The following MGAT4C variants were observed in gnomAD, a reference collection of about 807,000 sequenced individuals.
MGAT4C encodes the protein alpha-1,3-mannosyl-glycoprotein 4-beta-N-acetylglucosaminyltransferase C.
In MGAT4C, 19 loss-of-function variants were observed where a neutral mutation model predicts 40.1. The observed-to-expected ratio is 0.47, with a 90% confidence interval of 0.33 to 0.70. The LOEUF (loss-of-function observed/expected upper bound fraction) is 0.70. Ranked by LOEUF, MGAT4C falls within the 30% of genes least tolerant of loss-of-function variation. MGAT4C has a pLI of 0.02. For missense variants in MGAT4C, 491 were observed against 563.2 expected, an observed-to-expected ratio of 0.87 and a Z score of 1.30; for synonymous variants, 181 against 187.1, an observed-to-expected ratio of 0.97 and a Z score of 0.27.
chr12:85,993,844 CA>C (rs1051102554), intron 2 of MGAT4C, among the ~76,000 whole-genome samples: 1 of 152,152 alleles, frequency 6.6e-6, no homozygotes, highest in Non-Finnish European at 1.5e-5. Context: ...TTGACTGCCA[CA>C]AATGTGGTAG....
intron 2 of MGAT4C, among the ~76,000 whole-genome samples, chr12:86,646,836 T>C (rs1254790929): frequency 1.3e-5 from 2 of 151,956 alleles, no homozygotes; most frequent in Non-Finnish European, 1.5e-5. Context: ...CATATAATAA[T>C]TGCATATATG....
intron 2 of MGAT4C, among the ~76,000 whole-genome samples, chr12:85,997,760 G>A (rs1350432971): frequency 6.6e-6 from 1 of 152,200 alleles, no homozygotes; most frequent in African/African-American, 2.4e-5. Flanking sequence ...CTGCCCCAAT[G>A]GCTTTGCAAG....
At chr12:86,267,568 C>A (rs1168301251) in intron 4 of MGAT4C, among the ~76,000 whole-genome samples, 1 of 151,798 alleles carries the variant, frequency 6.6e-6, no homozygotes, top group Non-Finnish European at 1.5e-5. Flanking sequence ...TAGTTCAGAG[C>A]TGTCTTTTTA....
chr12:86,335,468 A>T (rs1954765030), intron 3 of MGAT4C, among the ~76,000 whole-genome samples: 1 of 152,196 alleles, frequency 6.6e-6, no homozygotes, highest in Admixed American at 6.6e-5. Flanking sequence ...TAGCAAACAC[A>T]GATGGCCTGA....
intron 3 of MGAT4C, among the ~76,000 whole-genome samples, chr12:86,398,884 G>A (rs148387446): frequency 1.3e-5 from 2 of 152,244 alleles, no homozygotes; most frequent in East Asian, 3.9e-4. Context: ...GGGAGGTCAA[G>A]AAGAATCTGA....
intron 4 of MGAT4C, among the ~76,000 whole-genome samples, chr12:86,264,565 T>C (rs899584580): frequency 6.6e-6 from 1 of 152,108 alleles, no homozygotes; most frequent in Non-Finnish European, 1.5e-5. Context: ...GGCAGGAGCC[T>C]CCTGCTTCCC....
intron 1 of MGAT4C, among the ~76,000 whole-genome samples, chr12:86,138,481 A>ATATATATTTCCATATATATATCATG (rs1264171380): frequency 2.7e-5 from 4 of 147,722 alleles, no homozygotes; most frequent in African/African-American, 4.9e-5. Context: ...ATATATCCAT[A>ATATATATTTCCATATATATATCATG]TATATATTTC....
rs1379604573 is a variant in MGAT4C at position 86,566,686 on chromosome 12, ATATAT to A, written c.-228-131426_-228-131422del. Reference sequence around the variant, plus strand: ...ATATGTATGTATAATACATATATGTATATATTATATGTATTATATATGTATTATAT... The same window carrying A: ...ATATGTATGTATAATACATATATGTATATATGTATTATATATGTATTATAT... On this transcript the variant is annotated intron_variant, in intron 2 of 7. Coordinates refer to the MGAT4C transcript ENST00000548651. Among the ~76,000 whole-genome samples, 12 of 145,616 alleles carry A rather than the reference ATATAT, an allele frequency of 8.2e-5. No homozygotes were observed. The South Asian group carries it at 8.5e-4, about 10-fold the overall frequency.
chr12:86,718,416 C>T (rs747260331), intron 2 of MGAT4C, among the ~76,000 whole-genome samples: 6 of 152,154 alleles, frequency 3.9e-5, no homozygotes, highest in African/African-American at 7.2e-5. Flanking sequence ...TTTCATGCAG[C>T]AGCAGTCACA....
chr12:86,561,487 C>T (rs138969199), intron 2 of MGAT4C, among the ~76,000 whole-genome samples: 1,574 of 152,284 alleles, frequency 0.01, 9 homozygotes, highest in Non-Finnish European at 0.014. Context: ...TTCATCTTTC[C>T]CCCATGCTGG....
chr12:86,648,011 G>A (rs1028347968), intron 2 of MGAT4C, among the ~76,000 whole-genome samples: 1 of 151,848 alleles, frequency 6.6e-6, no homozygotes, highest in East Asian at 1.9e-4. Flanking sequence ...TTACTATTGT[G>A]ACTTCAGGGT....
chr12:86,795,136 CTG>C lies in MGAT4C; in HGVS notation c.-262+43528_-262+43529del, dbSNP rs1386137283. Among the ~76,000 whole-genome samples the C allele has an allele frequency of 2.6e-5, 4 of 151,758 alleles. No individual in the cohort carries two copies. In the East Asian group the frequency reaches 7.7e-4, roughly 29 times the overall value. On this transcript the variant is annotated intron_variant, in intron 1 of 7. Coordinates refer to the MGAT4C transcript ENST00000548651. ...TACATAAACCATTTAATTTTTAAGT[CTG>C]TGTTTTCCTTTATTACTAAAGACAA...
At chr12:86,050,277 TTGCTATTGAATGTC>T (rs1892772409) in intron 1 of MGAT4C, among the ~76,000 whole-genome samples, 1 of 151,980 alleles carries the variant, frequency 6.6e-6, no homozygotes, top group Non-Finnish European at 1.5e-5. Flanking sequence ...GGAACACAGT[TTGCTATTGAATGTC>T]TGCCAGACTG....
chr12:86,774,351 CTCCCCT>C (rs1951710182), intron 1 of MGAT4C, among the ~76,000 whole-genome samples: 1 of 31,770 alleles, frequency 3.1e-5, no homozygotes, highest in Non-Finnish European at 8.8e-5. Flanking sequence ...GTCTCTCTCT[CTCCCCT>C]CTCTCTCTCT....
At chr12:86,202,806 G>T (rs1950098235) in intron 1 of MGAT4C, among the ~76,000 whole-genome samples, 1 of 151,570 alleles carries the variant, frequency 6.6e-6, no homozygotes, top group African/African-American at 2.4e-5. Flanking sequence ...TTCATTTATT[G>T]TACTTTTCTA....
At chr12:86,420,319 C>T (rs1341679948) in intron 3 of MGAT4C, among the ~76,000 whole-genome samples, 1 of 151,974 alleles carries the variant, frequency 6.6e-6, no homozygotes, top group Non-Finnish European at 1.5e-5. Flanking sequence ...AGGTTAAAAC[C>T]TGCAGTGAAC....
At chr12:86,751,011 G>A (rs999930486) in intron 1 of MGAT4C, among the ~76,000 whole-genome samples, 7 of 151,926 alleles carry the variant, frequency 4.6e-5, no homozygotes, top group African/African-American at 1.2e-4. Flanking sequence ...AGCTCATACC[G>A]TAAGAGCCTT....
chr12:86,316,079 C>CAAAAAAAA (rs71076185), intron 4 of MGAT4C, among the ~76,000 whole-genome samples: 4 of 34,062 alleles, frequency 1.2e-4, no homozygotes, highest in Non-Finnish European at 2.0e-4. Flanking sequence ...ATACAAGCAG[C>CAAAAAAAA]AAAAAAAAAA....
At chr12:86,749,635 T>C (rs1170589610) in intron 1 of MGAT4C, among the ~76,000 whole-genome samples, 2 of 151,840 alleles carry the variant, frequency 1.3e-5, no homozygotes, top group African/African-American at 4.8e-5. Context: ...CTGGCTTTTA[T>C]GTTAAACAAC....
Sources: allele counts gnomAD v4.1 joint callset (sites outside exome capture counted in the v4.1 genomes callset), GRCh38; gene constraint gnomAD v4.1.1; transcripts MANE v1.5; gene names NCBI Gene and HGNC (gene_info 2026-07-23, HGNC 2026-07-21).